Variants in GALC observed in about 807,000 individuals in gnomAD.
GALC encodes the protein galactosylceramidase.
GALC carries 77 observed loss-of-function variants against 91.8 expected under a neutral mutation model. The observed-to-expected ratio is 0.84, with a 90% CI of 0.70 to 1.01. The LOEUF is 1.01. Ranked by LOEUF, GALC falls within the 50% of genes least tolerant of loss-of-function variation. The pLI, the probability that GALC is intolerant of heterozygous loss-of-function variation, is 0.00. For missense variants in GALC, 882 were observed against 855.9 expected, an observed-to-expected ratio of 1.03 and a Z score of -0.38; for synonymous variants, 357 against 306.7, an observed-to-expected ratio of 1.16 and a Z score of -1.71.
chr14:87,952,580 C>G, intron 10 of GALC: 7 of 1,201,866 alleles, frequency 5.8e-6, no homozygotes, highest in Non-Finnish European at 4.9e-6. Flanking sequence ...CTTTAATGTC[C>G]GTTGCTGACC....
At chr14:87,954,871 A>C in intron 10 of GALC, 2 of 1,601,416 alleles carry the variant, frequency 1.2e-6, no homozygotes, top group Non-Finnish European at 1.7e-6. Context: ...ATTTACTATG[A>C]AGAAAATATA....
intron 1 of GALC, among the ~76,000 whole-genome samples, chr14:87,989,126 A>G (rs751367458): frequency 1.3e-5 from 2 of 152,228 alleles, no homozygotes; most frequent in Non-Finnish European, 2.9e-5. Flanking sequence ...TTGAAAAAAG[A>G]AATCACAAAA....
chr14:87,945,404 A>G (rs1183114929), intron 14 of GALC, 149 bp downstream of exon 14: 10 of 686,138 alleles, frequency 1.5e-5, no homozygotes, highest in African/African-American at 3.5e-5. Context: ...GGTCATCACC[A>G]TACTATTCAA....
Position 87,949,881 on chromosome 14 carries a change from G to A in GALC, c.1302C>T (p.Ser434=), listed in dbSNP as rs3213918. ...CCAGCTGCTTAAAAAGAAATCTTTC[G>A]GATGTTTTTCCAAGTTTGGTATACC... is the stretch of plus-strand genomic sequence containing the variant. The part of the protein sequence containing the change: ...QVWYTKLGKT[S]ERFLFKQLDS... The change falls in exon 12 of 17, where the codon TCC becomes TCT. Residue 434 remains serine, a synonymous_variant. Transcript: ENST00000261304. 8,270 of 1,598,544 alleles carry A rather than the reference G, an allele frequency of 5.2e-3. 108 individuals carry two copies. The highest frequency in any genetic ancestry group is 0.037 in the East Asian group (1,638 of 44,598).
At position 87,973,314 on chromosome 14, in the gene GALC, G is replaced by C. The variant is rs1476674454; in HGVS notation, c.752+3044C>G. Among the ~76,000 whole-genome samples, 4 of 152,074 alleles carry C rather than the reference G, an allele frequency of 2.6e-5. No homozygotes were observed. The East Asian group carries it at 7.7e-4, about 29-fold the overall frequency. ...AAAATGAGGGAGAAACTTTGGCAAA[G>C]GACTTGAAGGTGAGCATTTAATATG... On this transcript the variant is annotated intron_variant, in intron 7 of 16. Transcript: ENST00000261304.
chr14:87,991,498 G>A (rs143952825), intron 1 of GALC, among the ~76,000 whole-genome samples: 256 of 152,272 alleles, frequency 1.7e-3, no homozygotes, highest in African/African-American at 5.8e-3. Context: ...CACCGTGCCC[G>A]GCCCTACATT....
chr14:87,937,922 A>G (rs1884655712), intron 16 of GALC, among the ~76,000 whole-genome samples: 1 of 112,426 alleles, frequency 8.9e-6, no homozygotes, highest in Non-Finnish European at 2.0e-5. Context: ...GAAACACATT[A>G]TTGTTAAAAA....
chr14:87,934,609 CTCT>C lies in GALC; in HGVS notation c.*120_*122del. 6.4e-7 allele frequency: 1 copy of C among 1,564,962 alleles called. No individual in the cohort carries two copies. The highest frequency in any genetic ancestry group is 2.3e-5 in the East Asian group (1 of 42,750). On this transcript the variant is annotated 3_prime_UTR_variant, in exon 17 of 17. Coordinates refer to ENST00000261304, the MANE Select transcript of GALC (RefSeq NM_000153.4). ...AAAAATAAATTTCTCTCCCCTTTTA[CTCT>C]TCATTATTTTTAGTCTCAAAAGCCT...
chr14:87,937,927 TA>T (rs35520077), intron 16 of GALC, among the ~76,000 whole-genome samples: 72,510 of 148,036 alleles, frequency 0.49, 18,519 homozygotes, highest in East Asian at 0.75. Context: ...ACATTATTGT[TA>T]AAAAAAAAAA....
intron 10 of GALC, among the ~76,000 whole-genome samples, chr14:87,962,576 GATACACAC>G (rs1885850506): frequency 8.7e-6 from 1 of 114,676 alleles, no homozygotes; most frequent in Non-Finnish European, 1.8e-5. Context: ...AACCTGATAT[GATACACAC>G]ACACACACAC....
intron 1 of GALC, among the ~76,000 whole-genome samples, chr14:87,989,006 C>G (rs180766830): frequency 6.6e-6 from 1 of 152,162 alleles, no homozygotes; most frequent in Non-Finnish European, 1.5e-5. Flanking sequence ...CCAGACCAGG[C>G]TGTACTAAGA....
At chr14:87,989,194 A>G (rs1887095300) in intron 1 of GALC, among the ~76,000 whole-genome samples, 2 of 152,174 alleles carry the variant, frequency 1.3e-5, no homozygotes, top group African/African-American at 4.8e-5. Context: ...AAATAAATAA[A>G]AAGAGGCCGG....
At chr14:87,974,500 T>C (rs963236877) in intron 7 of GALC, among the ~76,000 whole-genome samples, 2 of 152,036 alleles carry the variant, frequency 1.3e-5, no homozygotes, top group Admixed American at 1.3e-4. Context: ...CTGCCTAAGA[T>C]TGAAAGGAGA....
At chr14:87,954,747 A>G in intron 10 of GALC, 1 of 1,567,952 alleles carries the variant, frequency 6.4e-7, no homozygotes, top group Non-Finnish European at 8.8e-7. Flanking sequence ...AGTTCTCTGA[A>G]GAGTATTTCT....
chr14:87,965,681 A>T, intron 8 of GALC, 52 bp from the exon 9 acceptor site: 1 of 1,592,444 alleles, frequency 6.3e-7, no homozygotes. Flanking sequence ...ATAAAAATGT[A>T]AATGTCTAAA....
rs545588828 is a variant in GALC, at chr14:87,975,518, T to C, written c.752+840A>G. ...AGTAATATTTTTATGGAAGAAATAA[T>C]GTCTGGGATTTCTTTCAAAGTAATG... On this transcript the variant is annotated intron_variant, in intron 7 of 16. Coordinates refer to ENST00000261304, the MANE Select transcript of GALC (RefSeq NM_000153.4). Among the ~76,000 whole-genome samples the C allele has an allele frequency of 2.6e-5, 4 of 152,248 alleles. No homozygotes were observed. In the East Asian group the frequency reaches 7.7e-4, roughly 29 times the overall value.
At chr14:87,968,587 C>T (rs1886154086) in intron 7 of GALC, 97 bp from the exon 8 acceptor site, 7 of 1,186,086 alleles carry the variant, frequency 5.9e-6, no homozygotes, top group South Asian at 3.8e-5. Flanking sequence ...CGAGTCTTCT[C>T]CAAGGTTTTC....
chr14:87,977,274 C>T (rs1160477528), intron 6 of GALC, among the ~76,000 whole-genome samples: 1 of 152,026 alleles, frequency 6.6e-6, no homozygotes, highest in Non-Finnish European at 1.5e-5. Flanking sequence ...GGACTGTCCA[C>T]CCACAAAAAT....
At chr14:87,983,687 C>A (rs78715225) in intron 5 of GALC, among the ~76,000 whole-genome samples, 1 of 151,990 alleles carries the variant, frequency 6.6e-6, no homozygotes, top group Non-Finnish European at 1.5e-5. Context: ...GTGTTAAGGC[C>A]CTGTGGGGTA....
Sources: gnomAD v4.1 joint callset for allele counts (sites outside exome capture counted in the v4.1 genomes callset) on GRCh38, gnomAD v4.1.1 for gene constraint, MANE v1.5 for transcripts, NCBI Gene and HGNC (gene_info 2026-07-23, HGNC 2026-07-21) for gene names.